TTC7A: variants seen among roughly 807,000 people sequenced by gnomAD.
The protein encoded by TTC7A is tetratricopeptide repeat protein 7A.
In TTC7A, 110 loss-of-function variants were observed where a neutral mutation model predicts 103.7. The ratio of observed to expected loss-of-function variants is 1.06; its 90% CI spans 0.91 to 1.24. The LOEUF (loss-of-function observed/expected upper bound fraction) is 1.24, where lower values mean the gene tolerates loss of function less well. Among genes scored for constraint, TTC7A ranks in the 50% most tolerant of loss-of-function variants. The pLI, the probability that TTC7A is intolerant of heterozygous loss-of-function variation, is 0.00. For missense variants in TTC7A, 1,340 were observed against 1,116.3 expected (o/e 1.20, Z -2.86); for synonymous variants, 521 against 467.9 (o/e 1.11, Z -1.47).
chr2:46,945,321 C>T (rs996913074), intron 1 of TTC7A, among the ~76,000 whole-genome samples: 4 of 151,956 alleles, frequency 2.6e-5, no homozygotes, highest in Admixed American at 1.3e-4. Flanking sequence ...GGTGCGATCT[C>T]GGCTCATTGC....
rs1264895550 is a variant in TTC7A, at chr2:47,037,055, C to G, written c.1802+7671C>G. On this transcript the variant is annotated intron_variant, in intron 15 of 19. Transcript: ENST00000319190. ...TGCAGGTAGGGTATCCATACCTTGT[C>G]AGGCTGGCCCCTCTCTCCCACTATA... 2.0e-5 allele frequency among the ~76,000 whole-genome samples: 3 copies of G among 152,182 alleles called. No homozygotes were observed. The East Asian group carries it at 5.8e-4, about 29-fold the overall frequency.
chr2:47,023,150 A>G (rs1199277014), intron 12 of TTC7A, among the ~76,000 whole-genome samples: 1 of 152,210 alleles, frequency 6.6e-6, no homozygotes, highest in Non-Finnish European at 1.5e-5. Context: ...ATGTCGTGGA[A>G]TGCTTGTAGG....
Position 46,956,830 on chromosome 2 carries a change from T to G in TTC7A, c.349-9T>G. 6.2e-7 allele frequency: 1 copy of G among 1,613,944 alleles called. No homozygotes were observed. The highest frequency in any genetic ancestry group is 8.5e-7 in the Non-Finnish European group (1 of 1,179,860). Reference sequence around the variant, plus strand: ...GGCAGGCGCTGGTAACATGTCCTTGTCATTTCAGCCACAGTACATGTGTGA... The same window carrying G: ...GGCAGGCGCTGGTAACATGTCCTTGGCATTTCAGCCACAGTACATGTGTGA... On this transcript the variant is annotated splice_polypyrimidine_tract_variant and intron_variant, in intron 2 of 19. Transcript: ENST00000319190.
chr2:46,952,586 A>G (rs938560208), intron 2 of TTC7A, among the ~76,000 whole-genome samples: 2 of 152,134 alleles, frequency 1.3e-5, no homozygotes, highest in African/African-American at 4.8e-5. Context: ...CCCCATCTCT[A>G]CAGAAAATTT....
At chr2:46,963,653 C>T (rs28704094) in intron 3 of TTC7A, among the ~76,000 whole-genome samples, 18,785 of 152,184 alleles carry the variant, frequency 0.12, 1,304 homozygotes, top group African/African-American at 0.18. Flanking sequence ...AAAGTCACAA[C>T]AAAAAGGAGG....
intron 19 of TTC7A, among the ~76,000 whole-genome samples, 172 bp downstream of exon 19, chr2:47,061,143 C>G (rs541977883): frequency 2.4e-4 from 37 of 152,284 alleles, no homozygotes; most frequent in Admixed American, 2.0e-4. Flanking sequence ...AGAGACAGTT[C>G]TTGGGATACT....
Position 46,975,166 on chromosome 2 carries a change from C to G in TTC7A, c.648+63C>G, listed in dbSNP as rs150273903. Reference sequence around the variant, plus strand: ...TATTGAGCACCTATGTCTATGGATCCCACTAAACCCATAGGTCACCTGTGT... The same window carrying G: ...TATTGAGCACCTATGTCTATGGATCGCACTAAACCCATAGGTCACCTGTGT... On this transcript the variant is annotated intron_variant, in intron 4 of 19. Transcript: ENST00000319190. 3 of 1,592,786 alleles carry G rather than the reference C, an allele frequency of 1.9e-6. No homozygotes were observed. In the East Asian group the frequency reaches 6.8e-5, roughly 36 times the overall value.
At chr2:46,949,498 G>T (rs1408578548) in intron 1 of TTC7A, among the ~76,000 whole-genome samples, 1 of 152,136 alleles carries the variant, frequency 6.6e-6, no homozygotes, top group Non-Finnish European at 1.5e-5. Flanking sequence ...CTCCCAAAGT[G>T]CTGGGATTAC....
intron 3 of TTC7A, among the ~76,000 whole-genome samples, chr2:46,958,955 G>A (rs1672143026): frequency 6.6e-6 from 1 of 152,166 alleles, no homozygotes; most frequent in Non-Finnish European, 1.5e-5. Flanking sequence ...TCCATGCCAG[G>A]TAGGCCCTCG....
intron 12 of TTC7A, 38 bp downstream of exon 12, chr2:47,022,017 G>A: frequency 3.3e-6 from 5 of 1,503,938 alleles, no homozygotes; most frequent in Non-Finnish European, 4.6e-6. Context: ...ACTTGGGGAT[G>A]GCTCAGGCTT....
intron 3 of TTC7A, among the ~76,000 whole-genome samples, chr2:46,973,774 G>A (rs1300418234): frequency 6.6e-6 from 1 of 152,158 alleles, no homozygotes; most frequent in Non-Finnish European, 1.5e-5. Context: ...ACCCAGAAGA[G>A]ACAGAAAAAA....
At chr2:47,022,704 A>C (rs1679432079) in intron 12 of TTC7A, among the ~76,000 whole-genome samples, 1 of 152,146 alleles carries the variant, frequency 6.6e-6, no homozygotes, top group Non-Finnish European at 1.5e-5. Context: ...TCGGGTATAA[A>C]TGAGCCCTGT....
chr2:47,045,766 C>G (rs548758777), intron 15 of TTC7A, among the ~76,000 whole-genome samples: 1 of 152,194 alleles, frequency 6.6e-6, no homozygotes, highest in Non-Finnish European at 1.5e-5. Flanking sequence ...TGCTTGGGCA[C>G]CTATACTGTT....
intron 8 of TTC7A, among the ~76,000 whole-genome samples, 175 bp downstream of exon 8, chr2:46,995,374 T>C (rs1418117542): frequency 6.6e-6 from 1 of 152,220 alleles, no homozygotes; most frequent in Admixed American, 6.5e-5. Context: ...CTCATTAGGT[T>C]TGGAATTGGC....
chr2:46,970,068 C>G (rs1293865707), intron 3 of TTC7A, among the ~76,000 whole-genome samples: 1 of 152,140 alleles, frequency 6.6e-6, no homozygotes. Flanking sequence ...TGGCTTACTG[C>G]AGCCTCCACC....
intron 2 of TTC7A, among the ~76,000 whole-genome samples, chr2:46,930,770 G>A (rs1669658361): frequency 6.6e-6 from 1 of 152,092 alleles, no homozygotes; most frequent in African/African-American, 2.4e-5. Flanking sequence ...AAAGTGCAGG[G>A]ATTACAGGCG....
upstream of TTC7A, among the ~76,000 whole-genome samples, chr2:46,938,883 C>T (rs988282441): frequency 1.3e-5 from 2 of 151,698 alleles, no homozygotes; most frequent in Admixed American, 6.6e-5. Context: ...TGGTGGTGCA[C>T]GCCTGTAGTC....
At chr2:46,992,773 T>C (rs554899291) in intron 5 of TTC7A, among the ~76,000 whole-genome samples, 1 of 151,902 alleles carries the variant, frequency 6.6e-6, no homozygotes, top group African/African-American at 2.4e-5. Context: ...AAAATGGGGG[T>C]AGAGGTAGAA....
chr2:46,931,692 TAATAAATA>T lies in TTC7A; in HGVS notation c.82+14442_82+14449del, dbSNP rs10524721. On this transcript the variant is annotated intron_variant, in intron 2 of 20. Coordinates refer to the TTC7A transcript ENST00000409245. ...TGGGGGAAAAAACAAAAACAGACAATAATAAATAAATAAATAAATAAATAAATAAATAA... is the reference window on the plus strand; with the variant it reads ...TGGGGGAAAAAACAAAAACAGACAATAATAAATAAATAAATAAATAAATAA... Among the ~76,000 whole-genome samples the T allele has an allele frequency of 5.1e-3, 758 of 148,642 alleles. 4 individuals carry two copies. The highest frequency in any genetic ancestry group is 7.8e-3 in the Non-Finnish European group (526 of 67,432).
Sources: allele counts gnomAD v4.1 joint callset (sites outside exome capture counted in the v4.1 genomes callset), GRCh38; gene constraint gnomAD v4.1.1; transcripts MANE v1.5; gene names NCBI Gene and HGNC (gene_info 2026-07-23, HGNC 2026-07-21).